ASCC2: variants seen among roughly 807,000 people sequenced by gnomAD.
ASCC2 encodes activating signal cointegrator 1 complex subunit 2.
In ASCC2, 42 loss-of-function variants were observed where a neutral mutation model predicts 93.5. The ratio of observed to expected loss-of-function variants is 0.45; its 90% confidence interval spans 0.35 to 0.58. The LOEUF (loss-of-function observed/expected upper bound fraction) is 0.58, where lower values mean the gene tolerates loss of function less well. ASCC2 is among the 20% of genes least tolerant of loss of function. The pLI is 0.00. For synonymous variants in ASCC2, 364 were observed against 384.2 expected, an observed-to-expected ratio of 0.95 and a Z score of 0.62; for missense variants, 859 against 977.6, an observed-to-expected ratio of 0.88 and a Z score of 1.62.
intron 13 of ASCC2, among the ~76,000 whole-genome samples, chr22:29,802,569 G>A (rs1053338713): frequency 7.9e-5 from 12 of 152,100 alleles, no homozygotes; most frequent in Non-Finnish European, 1.8e-4. Context: ...GGGAGGCTGA[G>A]GCAAGAGAAT....
chr22:29,834,543 G>A (rs1173597546), intron 1 of ASCC2: 5 of 470,628 alleles, frequency 1.1e-5, no homozygotes, highest in Admixed American at 2.4e-5. Flanking sequence ...CTGCATACAC[G>A]AGGTGGCCTG....
intron 2 of ASCC2, among the ~76,000 whole-genome samples, chr22:29,830,025 G>C (rs1418640628): frequency 6.6e-6 from 1 of 152,182 alleles, no homozygotes; most frequent in Non-Finnish European, 1.5e-5. Flanking sequence ...GTGGCCTTCA[G>C]AGTAACACTC....
intron 13 of ASCC2, 31 bp downstream of exon 13, chr22:29,804,607 G>C (rs779402232): frequency 6.2e-7 from 1 of 1,605,122 alleles, no homozygotes; most frequent in Middle Eastern, 1.7e-4. Flanking sequence ...AGGGACAAGC[G>C]AAGAGGGAAA....
intron 2 of ASCC2, 41 bp downstream of exon 2, chr22:29,832,204 C>A: frequency 6.5e-7 from 1 of 1,543,702 alleles, no homozygotes; most frequent in Non-Finnish European, 8.9e-7. Flanking sequence ...AATTGCAAGA[C>A]TGACAATATC....
At position 29,813,505 on chromosome 22, in the gene ASCC2, C is replaced by T; in HGVS notation, c.758G>A (p.Cys253Tyr). ...KDIVLYLCDTCTTLWAFLDIF... is the reference protein window; with the variant it reads ...KDIVLYLCDTYTTLWAFLDIF... ...ATCCAGAAAGGCCCAAAGTGTGGTG[C>T]AGGTATCACAAAGGTAGAGAACAAT... The change falls in exon 8 of 20, where the codon TGC becomes TAC. Residue 253 changes from cysteine (C) to tyrosine (Y), a missense_variant. By Grantham distance (194) the Cys-to-Tyr change is radical. Coordinates refer to ENST00000307790, the MANE Select transcript of ASCC2 (RefSeq NM_032204.5). The T allele has an allele frequency of 1.2e-6, 2 of 1,614,088 alleles. No homozygotes were observed. Among genetic ancestry groups the T allele is most frequent in the Non-Finnish European group, 1.7e-6 (2 of 1,179,944 alleles).
rs1250319933 is a variant in ASCC2, at chr22:29,802,186, A to T, written c.1376T>A (p.Val459Glu). 13 of 1,614,116 alleles carry T rather than the reference A, an allele frequency of 8.1e-6. No individual in the cohort carries two copies. Among genetic ancestry groups the T allele is most frequent in the Non-Finnish European group, 1.1e-5 (13 of 1,180,028 alleles). ...TTCCACCCCACACATGGCAGGGCCC[A>T]CAGCCGCGGCTGCTCCCATGCACTG... ...EEECMGAAAA[V>E]GPAMCGVELD... The change falls in exon 14 of 20, where the codon GTG becomes GAG. Residue 459 changes from valine (V) to glutamate (E), a missense_variant. Physicochemically the swap from Val to Glu is moderately radical, Grantham distance 121. Transcript: ENST00000307790.
chr22:29,835,122 G>A (rs1439445134), intron 1 of ASCC2, among the ~76,000 whole-genome samples: 1 of 152,168 alleles, frequency 6.6e-6, no homozygotes, highest in Non-Finnish European at 1.5e-5. Flanking sequence ...TCACGGCCAG[G>A]TGCAGTGGCT....
intron 12 of ASCC2, among the ~76,000 whole-genome samples, chr22:29,805,743 C>T (rs1372370065): frequency 6.6e-6 from 1 of 152,050 alleles, no homozygotes; most frequent in African/African-American, 2.4e-5. Flanking sequence ...TGCGAACATT[C>T]TTGTCCTTGT....
chr22:29,802,582 C>G (rs979089305), intron 13 of ASCC2, among the ~76,000 whole-genome samples: 2 of 151,454 alleles, frequency 1.3e-5, no homozygotes, highest in African/African-American at 4.9e-5. Flanking sequence ...AAGAGAATTA[C>G]TTGAGCTCAG....
chr22:29,806,973 T>A, intron 9 of ASCC2, 69 bp from the exon 10 acceptor site: 1 of 1,217,912 alleles, frequency 8.2e-7, no homozygotes, highest in Non-Finnish European at 1.2e-6. Flanking sequence ...GTGCAGTGGT[T>A]TACACCTGAA....
chr22:29,821,071 C>T (rs969684591), intron 5 of ASCC2, among the ~76,000 whole-genome samples: 2 of 152,214 alleles, frequency 1.3e-5, no homozygotes, highest in African/African-American at 4.8e-5. Context: ...GTGCCAGGCC[C>T]AGCTCCATGA....
chr22:29,822,109 C>A, intron 5 of ASCC2: 1 of 548,070 alleles, frequency 1.8e-6, no homozygotes. Context: ...ATTTCCAGAT[C>A]CCTGGGGAAC....
intron 2 of ASCC2, among the ~76,000 whole-genome samples, chr22:29,830,326 T>C (rs538813136): frequency 6.6e-6 from 1 of 152,306 alleles, no homozygotes; most frequent in East Asian, 1.9e-4. Flanking sequence ...AATATTCAAA[T>C]ATGTGTGAAA....
intron 5 of ASCC2, among the ~76,000 whole-genome samples, chr22:29,819,542 T>C (rs2061309685): frequency 6.6e-6 from 1 of 152,148 alleles, no homozygotes; most frequent in African/African-American, 2.4e-5. Flanking sequence ...TGAAAAAAAC[T>C]GGGGCTTAGA....
chr22:29,797,283 G>A (rs539425108), intron 15 of ASCC2, among the ~76,000 whole-genome samples: 4 of 152,100 alleles, frequency 2.6e-5, no homozygotes, highest in African/African-American at 4.8e-5. Context: ...CTGAAACCTC[G>A]CCACCTTTCC....
chr22:29,825,622 C>T lies in ASCC2; in HGVS notation c.240G>A (p.Gln80=). 1 of 1,614,200 alleles carries T rather than the reference C, an allele frequency of 6.2e-7. No individual in the cohort carries two copies. ...AGCGTTAATTTTGATAGAATGTTAC[C>T]TGGCACCAGAATTTATCGTGAGGCA... ...LALPHDKFWC[Q]VIFDETLQKC... Residue 80 remains glutamine, a splice_region_variant and synonymous_variant, in exon 3 of 20, where the codon CAG becomes CAA. Transcript: ENST00000307790. The surrounding 1 kb of genome is among the most constrained non-coding windows in gnomAD (Gnocchi z 4.9).
chr22:29,831,842 C>T lies in ASCC2; in HGVS notation c.81+403G>A, dbSNP rs929462695. 2.0e-5 allele frequency among the ~76,000 whole-genome samples: 3 copies of T among 152,300 alleles called. No homozygotes were observed. The South Asian group carries it at 6.2e-4, about 32-fold the overall frequency. Reference sequence around the variant, plus strand: ...AAGACGGCCCAACCTCTGAAATCAGCGTTCCCACCAAAATACGGATAGCAG... The same window carrying T: ...AAGACGGCCCAACCTCTGAAATCAGTGTTCCCACCAAAATACGGATAGCAG... On this transcript the variant is annotated intron_variant, in intron 2 of 19. Transcript: ENST00000307790.
At chr22:29,817,620 C>A (rs1868726905) in intron 5 of ASCC2, among the ~76,000 whole-genome samples, 1 of 152,174 alleles carries the variant, frequency 6.6e-6, no homozygotes, top group Admixed American at 6.5e-5. Context: ...AGCATCCCAA[C>A]CACTTCGCAC....
At chr22:29,820,220 T>A (rs996138125) in intron 5 of ASCC2, among the ~76,000 whole-genome samples, 1 of 152,154 alleles carries the variant, frequency 6.6e-6, no homozygotes, top group African/African-American at 2.4e-5. Context: ...TGGAGTGCAG[T>A]GGCACCATCT....
Sources: allele counts gnomAD v4.1 joint callset (sites outside exome capture counted in the v4.1 genomes callset), GRCh38; gene constraint gnomAD v4.1.1; non-coding constraint Gnocchi (gnomAD v3.1); transcripts MANE v1.5; gene names NCBI Gene and HGNC (gene_info 2026-07-23, HGNC 2026-07-21).